Variants in ANTXR2 observed in about 807,000 individuals in gnomAD.
The protein encoded by ANTXR2 is anthrax toxin receptor 2.
Under a neutral mutation model 73.7 loss-of-function variants are expected in ANTXR2, and 44 were observed. The ratio of observed to expected loss-of-function variants is 0.60; its 90% CI spans 0.47 to 0.77. ANTXR2 has a LOEUF of 0.77. Among genes scored for constraint, ANTXR2 ranks in the 30% least tolerant of loss-of-function variants. The pLI, the probability that ANTXR2 is intolerant of heterozygous loss-of-function variation, is 0.00. For synonymous variants in ANTXR2, 217 were observed against 205.9 expected, an observed-to-expected ratio of 1.05 and a Z score of -0.46; for missense variants, 604 against 592.5, an observed-to-expected ratio of 1.02 and a Z score of -0.20.
At chr4:79,933,101 A>G (rs1486882638) in intron 16 of ANTXR2, among the ~76,000 whole-genome samples, 1 of 152,196 alleles carries the variant, frequency 6.6e-6, no homozygotes, top group African/African-American at 2.4e-5. Flanking sequence ...GTGAAAAACT[A>G]TTGAATATCC....
At chr4:80,050,021 G>A (rs984607773) in intron 7 of ANTXR2, among the ~76,000 whole-genome samples, 12 of 151,646 alleles carry the variant, frequency 7.9e-5, no homozygotes, top group Non-Finnish European at 1.6e-4. Context: ...CCTTGACCTA[G>A]TTCCATTGCG....
chr4:79,962,597 G>A (rs1378501184), intron 16 of ANTXR2, among the ~76,000 whole-genome samples: 3 of 151,704 alleles, frequency 2.0e-5, no homozygotes, highest in African/African-American at 4.8e-5. Flanking sequence ...GTAAACAATG[G>A]GTTTACAGTT....
chr4:80,063,061 G>A (rs568488471), intron 3 of ANTXR2, among the ~76,000 whole-genome samples: 79 of 152,282 alleles, frequency 5.2e-4, no homozygotes, highest in East Asian at 3.9e-4. Flanking sequence ...GCAGGTAGGC[G>A]ATAGAAGCAA....
At chr4:80,019,813 C>T (rs1732069697) in intron 10 of ANTXR2, among the ~76,000 whole-genome samples, 1 of 151,986 alleles carries the variant, frequency 6.6e-6, no homozygotes, top group Non-Finnish European at 1.5e-5. Flanking sequence ...TAATTTTTGT[C>T]CCTGGCTAAG....
At chr4:79,998,627 G>T (rs1438015753) in intron 12 of ANTXR2, among the ~76,000 whole-genome samples, 1 of 151,974 alleles carries the variant, frequency 6.6e-6, no homozygotes, top group Non-Finnish European at 1.5e-5. Flanking sequence ...TTCAAAACAG[G>T]ATAAGTTTTG....
At chr4:80,061,281 CCT>C (rs961050143) in intron 3 of ANTXR2, among the ~76,000 whole-genome samples, 4 of 97,652 alleles carry the variant, frequency 4.1e-5, no homozygotes, top group African/African-American at 1.0e-4. Context: ...TGTGTGTGTG[CCT>C]CTGTGTGTGT....
chr4:79,907,871 A>T (rs1292255652), intron 16 of ANTXR2, among the ~76,000 whole-genome samples: 1 of 152,178 alleles, frequency 6.6e-6, no homozygotes, highest in Admixed American at 6.6e-5. Context: ...CACATTTAGT[A>T]AGCAGTAAGA....
intron 7 of ANTXR2, among the ~76,000 whole-genome samples, chr4:80,038,479 T>C (rs1733085785): frequency 6.6e-6 from 1 of 152,048 alleles, no homozygotes; most frequent in South Asian, 2.1e-4. Flanking sequence ...ATATCCCCTA[T>C]AAGGTATTTT....
intron 7 of ANTXR2, among the ~76,000 whole-genome samples, chr4:80,053,185 T>G (rs778054229): frequency 1.3e-5 from 2 of 151,794 alleles, no homozygotes; most frequent in Admixed American, 6.6e-5. Context: ...TGTATCAGTT[T>G]TATTTATCCT....
chr4:79,937,703 T>G (rs1227266785), intron 16 of ANTXR2, among the ~76,000 whole-genome samples: 2 of 151,958 alleles, frequency 1.3e-5, no homozygotes, highest in South Asian at 4.2e-4. Flanking sequence ...ATAGTGTTTT[T>G]AAAACCCCCT....
chr4:80,049,151 A>C (rs1210878195), intron 7 of ANTXR2, among the ~76,000 whole-genome samples: 1 of 151,808 alleles, frequency 6.6e-6, no homozygotes, highest in Non-Finnish European at 1.5e-5. Context: ...AATAATTCCA[A>C]ATAGTGAAAC....
chr4:79,935,490 A>G (rs1280759396), intron 16 of ANTXR2, among the ~76,000 whole-genome samples: 4 of 149,142 alleles, frequency 2.7e-5, no homozygotes. Context: ...ACATCAAAAG[A>G]GGAGCTCAAA....
At chr4:80,041,776 T>C (rs774942034) in intron 7 of ANTXR2, among the ~76,000 whole-genome samples, 21 of 152,240 alleles carry the variant, frequency 1.4e-4, no homozygotes, top group African/African-American at 3.8e-4. Flanking sequence ...GCTCCATCCA[T>C]GTCCTTGCAA....
chr4:79,945,715 G>A (rs1367032901), intron 16 of ANTXR2, among the ~76,000 whole-genome samples: 2 of 152,086 alleles, frequency 1.3e-5, no homozygotes, highest in Non-Finnish European at 2.9e-5. Context: ...CTGATATGAT[G>A]AGAATGGATG....
At chr4:80,015,557 T>C (rs1424012249) in intron 11 of ANTXR2, among the ~76,000 whole-genome samples, 1 of 152,084 alleles carries the variant, frequency 6.6e-6, no homozygotes, top group African/African-American at 2.4e-5. Context: ...CACCATCACA[T>C]GTGTGTCCAA....
intron 12 of ANTXR2, among the ~76,000 whole-genome samples, chr4:80,001,318 C>T (rs1731022880): frequency 8.9e-6 from 1 of 112,454 alleles, no homozygotes; most frequent in African/African-American, 3.4e-5. Flanking sequence ...CCTCCCCCCT[C>T]CCCCCACCCC....
chr4:80,033,452 T>A lies in ANTXR2; in HGVS notation c.796+20A>T. 1.3e-6 allele frequency: 2 copies of A among 1,560,270 alleles called. No homozygotes were observed. Among genetic ancestry groups the A allele is most frequent in the Non-Finnish European group, 1.7e-6 (2 of 1,144,366 alleles). ...TGCTTTGCAGAGATTAAGACAACAC[T>A]GAGATTACTGGGGACCTACTCGTTG... is the stretch of plus-strand genomic sequence containing the variant. On this transcript the variant is annotated intron_variant, in intron 9 of 16. Coordinates refer to ENST00000403729, the MANE Select transcript of ANTXR2 (RefSeq NM_058172.6).
At chr4:79,919,543 G>A (rs6833548) in intron 16 of ANTXR2, among the ~76,000 whole-genome samples, 22,254 of 151,932 alleles carry the variant, frequency 0.15, 2,852 homozygotes, top group African/African-American at 0.35. Context: ...GAGGTAGAAG[G>A]ACATGGAAAG....
intron 11 of ANTXR2, among the ~76,000 whole-genome samples, chr4:80,009,862 A>G (rs1349848068): frequency 6.7e-6 from 1 of 148,666 alleles, no homozygotes; most frequent in Non-Finnish European, 1.5e-5. Flanking sequence ...AAAAAAAAAG[A>G]AAGAAAGAAA....
Sources: gnomAD v4.1 joint callset for allele counts (sites outside exome capture counted in the v4.1 genomes callset) on GRCh38, gnomAD v4.1.1 for gene constraint, MANE v1.5 for transcripts, NCBI Gene and HGNC (gene_info 2026-07-23, HGNC 2026-07-21) for gene names.